The following UBASH3B variants were observed in gnomAD, a reference collection of about 807,000 sequenced individuals.
UBASH3B encodes the protein ubiquitin associated and SH3 domain containing B, also known as ubiquitin-associated and SH3 domain-containing protein B.
In UBASH3B, 37 loss-of-function variants were observed where a neutral mutation model predicts 83.4. The ratio of observed to expected loss-of-function variants is 0.44; its 90% CI spans 0.34 to 0.58. UBASH3B has a LOEUF of 0.58. UBASH3B is among the 20% of genes least tolerant of loss of function. The pLI, the probability that UBASH3B is intolerant of heterozygous loss-of-function variation, is 0.01. For missense variants in UBASH3B, 657 were observed against 827.2 expected (o/e 0.79, Z 2.52); for synonymous variants, 304 against 318.3 (o/e 0.96, Z 0.48).
rs116867090 is a variant in UBASH3B at position 122,777,324 on chromosome 11, C to T, written c.402+114C>T. On this transcript the variant is annotated intron_variant, in intron 3 of 13. Transcript: ENST00000284273. ...GGAAGACAGCAGGAATAGTCACAGG[C>T]TCCTACAGCTGGAGGGACCTTCAAG... The T allele has an allele frequency of 7.4e-3, 8,647 of 1,165,226 alleles. 48 individuals carry two copies. Among genetic ancestry groups the T allele is most frequent in the Middle Eastern group, 0.015 (51 of 3,432 alleles). 72.2% of individuals were successfully genotyped at this position (1,165,226 alleles called of 1,614,324 possible).
At chr11:122,671,608 C>T (rs1034425414) in intron 1 of UBASH3B, among the ~76,000 whole-genome samples, 5 of 152,254 alleles carry the variant, frequency 3.3e-5, no homozygotes, top group African/African-American at 1.2e-4. Context: ...CACAGATCTC[C>T]CGGTATCACT....
intron 6 of UBASH3B, 71 bp from the exon 7 acceptor site, chr11:122,794,631 G>A: frequency 6.2e-7 from 1 of 1,602,274 alleles, no homozygotes; most frequent in Non-Finnish European, 8.5e-7. Flanking sequence ...CCACACTCCT[G>A]TTGAGCCCAG....
chr11:122,751,801 T>C (rs578038849), intron 1 of UBASH3B, among the ~76,000 whole-genome samples: 33 of 152,316 alleles, frequency 2.2e-4, no homozygotes, highest in Non-Finnish European at 4.7e-4. Context: ...GTGCTCCACA[T>C]CACATCCATC....
Position 122,742,475 on chromosome 11 carries a change from G to A in UBASH3B, c.162-33744G>A, listed in dbSNP as rs144616503. Among the ~76,000 whole-genome samples, 58 of 152,338 alleles carry A rather than the reference G, an allele frequency of 3.8e-4. No individual in the cohort carries two copies. In the East Asian group the frequency reaches 7.5e-3, roughly 20 times the overall value. ...CTAAAAGGAAGAGGGCCAGGAAAAG[G>A]AGACCATGGTCTGCTACAGAAGTGC... On this transcript the variant is annotated intron_variant, in intron 1 of 13. Transcript: ENST00000284273.
At chr11:122,796,316 T>C (rs1195027981) in intron 8 of UBASH3B, 40 bp downstream of exon 8, 21 of 1,606,718 alleles carry the variant, frequency 1.3e-5, no homozygotes, top group Non-Finnish European at 1.8e-5. Context: ...GCCATACCCA[T>C]AGTGGCCTCT....
chr11:122,692,048 C>G (rs1168441754), intron 1 of UBASH3B, among the ~76,000 whole-genome samples: 2 of 152,154 alleles, frequency 1.3e-5, no homozygotes, highest in African/African-American at 4.8e-5. Flanking sequence ...TGTGCTGGCT[C>G]TGCCACTTAC....
At position 122,801,218 on chromosome 11, in the gene UBASH3B, G is replaced by T. The variant is rs756470623; in HGVS notation, c.1481G>T (p.Arg494Leu). 1 of 1,614,166 alleles carries T rather than the reference G, an allele frequency of 6.2e-7. No individual in the cohort carries two copies. Among genetic ancestry groups the T allele is most frequent in the East Asian group, 2.2e-5 (1 of 44,890 alleles). Residue 494 changes from arginine to leucine, a missense_variant, in exon 11 of 14, where the codon CGT becomes CTT. Arg to Leu is a moderately radical substitution (Grantham distance 102). This residue lies in a region of UBASH3B where 573 missense variants were observed against 739.0 expected (regional missense o/e 0.78). Transcript: ENST00000284273. ...GLQQENHLKI[R>L]VEPGLFEWTK... ...CAACAAGAAAATCACTTGAAGATCC[G>T]TGTAGAGCCCGGCTTATTTGAGTGG...
chr11:122,771,717 TTA>T (rs952903663), intron 1 of UBASH3B, among the ~76,000 whole-genome samples: 46 of 150,138 alleles, frequency 3.1e-4, no homozygotes, highest in African/African-American at 9.4e-4. Context: ...TAATAAGTAT[TTA>T]TGTCCTGGCA....
intron 1 of UBASH3B, among the ~76,000 whole-genome samples, chr11:122,681,975 G>T (rs1160196242): frequency 6.6e-6 from 1 of 152,108 alleles, no homozygotes. Context: ...ACTCATCACT[G>T]CCACCCAGGG....
At chr11:122,752,061 AAAAC>A (rs1447024335) in intron 1 of UBASH3B, among the ~76,000 whole-genome samples, 1 of 152,260 alleles carries the variant, frequency 6.6e-6, no homozygotes, top group African/African-American at 2.4e-5. Context: ...TTTTTATACT[AAAAC>A]AGGGTTTTCA....
Position 122,810,134 on chromosome 11 carries a change from T to C in UBASH3B, c.*248T>C. The C allele has an allele frequency of 2.3e-6, 1 of 428,888 alleles. No individual in the cohort carries two copies. 26.6% of individuals were successfully genotyped at this position (428,888 alleles called of 1,614,324 possible). ...GGCTTTGGAGAATTGTCTTCCTAAA[T>C]CGGGGCACCTGCTACAGAAGAGAAT... On this transcript the variant is annotated 3_prime_UTR_variant, in exon 14 of 14. Transcript: ENST00000284273.
intron 1 of UBASH3B, among the ~76,000 whole-genome samples, chr11:122,696,421 C>T (rs1473050752): frequency 2.6e-5 from 4 of 151,618 alleles, no homozygotes; most frequent in African/African-American, 9.7e-5. Flanking sequence ...AGCGATTCTC[C>T]TGCCTCAGCC....
intron 1 of UBASH3B, among the ~76,000 whole-genome samples, chr11:122,747,188 T>C (rs1278141786): frequency 6.6e-6 from 1 of 152,036 alleles, no homozygotes; most frequent in Non-Finnish European, 1.5e-5. Flanking sequence ...TCTAGATTAA[T>C]GGTTAAGAAA....
At chr11:122,728,955 C>G (rs74599168) in intron 1 of UBASH3B, among the ~76,000 whole-genome samples, 1 of 152,076 alleles carries the variant, frequency 6.6e-6, no homozygotes, top group Admixed American at 6.6e-5. Context: ...CAAGGCCACC[C>G]GGTCAGACGG....
intron 1 of UBASH3B, among the ~76,000 whole-genome samples, chr11:122,732,689 A>AC (rs1219323963): frequency 6.6e-6 from 1 of 152,012 alleles, no homozygotes; most frequent in African/African-American, 2.4e-5. Context: ...CCATCTTTCC[A>AC]CCCCCAACAA....
intron 5 of UBASH3B, among the ~76,000 whole-genome samples, chr11:122,784,036 G>A (rs887141884): frequency 6.6e-5 from 10 of 151,908 alleles, no homozygotes; most frequent in Non-Finnish European, 1.3e-4. Context: ...TGCCCCTGGG[G>A]TTCAAGCGAT....
At chr11:122,790,129 A>C (rs1226857450) in intron 6 of UBASH3B, among the ~76,000 whole-genome samples, 1 of 152,184 alleles carries the variant, frequency 6.6e-6, no homozygotes, top group Non-Finnish European at 1.5e-5. Context: ...CATGGCTGAG[A>C]GGCAGAAGCC....
In UBASH3B at chr11:122,814,388, A is replaced by T. The variant is rs1187246358; in HGVS notation, c.*4502A>T. On this transcript the variant is annotated 3_prime_UTR_variant, in exon 14 of 14. Coordinates refer to ENST00000284273, the MANE Select transcript of UBASH3B (RefSeq NM_032873.5). ...TCTCCCCTGTTGATACAGCTATGGC[A>T]CCATTGTAATTACAGATGCACCTTT... The T allele has an allele frequency of 6.6e-6, 1 of 152,632 alleles. No homozygotes were observed. Among genetic ancestry groups the T allele is most frequent in the East Asian group, 1.9e-4 (1 of 5,204 alleles). The allele number at this position is 152,632 out of a possible 1,614,324, so 9.5% of individuals were successfully genotyped here.
At chr11:122,704,765 C>T (rs1864093388) in intron 1 of UBASH3B, among the ~76,000 whole-genome samples, 1 of 152,088 alleles carries the variant, frequency 6.6e-6, no homozygotes, top group African/African-American at 2.4e-5. Flanking sequence ...CCGCCTCGGC[C>T]TCCCAAACTG....
Sources: allele counts gnomAD v4.1 joint callset (sites outside exome capture counted in the v4.1 genomes callset), GRCh38; gene constraint gnomAD v4.1.1; regional missense constraint gnomAD v4.1.1; transcripts MANE v1.5; gene names NCBI Gene and HGNC (gene_info 2026-07-23, HGNC 2026-07-21).